Variants in DGKI observed in about 807,000 individuals in gnomAD.
DGKI encodes the protein diacylglycerol kinase iota, also known as DAG kinase iota.
A neutral mutation model predicts 147.5 loss-of-function variants in DGKI; 55 were observed. That is an observed-to-expected ratio of 0.37 (90% CI 0.30 to 0.47). The LOEUF (loss-of-function observed/expected upper bound fraction) is 0.47. Ranked by LOEUF, DGKI falls within the 20% of genes least tolerant of loss-of-function variation. The pLI is 1.00. For missense variants in DGKI, 1,007 were observed against 1,323.8 expected, an observed-to-expected ratio of 0.76 and a Z score of 3.71; for synonymous variants, 469 against 477.1, an observed-to-expected ratio of 0.98 and a Z score of 0.22.
At chr7:137,494,642 A>G (rs1428620647) in intron 21 of DGKI, among the ~76,000 whole-genome samples, 1 of 152,224 alleles carries the variant, frequency 6.6e-6, no homozygotes, top group African/African-American at 2.4e-5. Flanking sequence ...CATTACCACC[A>G]GACCCGCCTT....
At chr7:137,710,640 T>C (rs1386595946) in intron 1 of DGKI, among the ~76,000 whole-genome samples, 1 of 152,076 alleles carries the variant, frequency 6.6e-6, no homozygotes, top group Non-Finnish European at 1.5e-5. Flanking sequence ...AGATTAAAAA[T>C]GGAAATGTGA....
chr7:137,385,513 T>G lies in DGKI; in HGVS notation c.*5707A>C, dbSNP rs1190694527. 1 of 152,040 alleles carries G rather than the reference T, an allele frequency of 6.6e-6. No homozygotes were observed. The highest frequency in any genetic ancestry group is 1.9e-4 in the East Asian group (1 of 5,184). 9.4% of individuals were successfully genotyped at this position (152,040 alleles called of 1,614,324 possible). A position where few individuals can be genotyped will look rare whatever the true frequency, so the allele number is the denominator to read the frequency against. ...TTAAATGCTAACAGAGGCTGAAAGT[T>G]TATAACTGTGATATCCACTCCACTA... On this transcript the variant is annotated 3_prime_UTR_variant, in exon 33 of 33. Transcript: ENST00000614521.
intron 21 of DGKI, among the ~76,000 whole-genome samples, chr7:137,501,739 C>T (rs1217312795): frequency 6.6e-6 from 1 of 152,126 alleles, no homozygotes; most frequent in African/African-American, 2.4e-5. Context: ...GAGGTTAACA[C>T]ACATGCCAAC....
chr7:137,485,297 C>T (rs1815514106), intron 23 of DGKI, 77 bp downstream of exon 23: 1 of 1,126,894 alleles, frequency 8.9e-7, no homozygotes, highest in African/African-American at 1.6e-5. Flanking sequence ...AACTCTAAAT[C>T]AAAATAAGAC....
intron 8 of DGKI, among the ~76,000 whole-genome samples, chr7:137,615,656 T>C (rs1051732654): frequency 6.6e-6 from 1 of 151,830 alleles, no homozygotes; most frequent in African/African-American, 2.4e-5. Flanking sequence ...ATGTCTTAAA[T>C]GAATTCTCTA....
At chr7:137,592,648 C>A (rs555519018) in intron 12 of DGKI, among the ~76,000 whole-genome samples, 1 of 152,092 alleles carries the variant, frequency 6.6e-6, no homozygotes, top group African/African-American at 2.4e-5. Context: ...GGCCAAAAAG[C>A]GAAGGACACT....
At chr7:137,635,279 G>A (rs1821270488) in intron 6 of DGKI, among the ~76,000 whole-genome samples, 1 of 152,132 alleles carries the variant, frequency 6.6e-6, no homozygotes, top group African/African-American at 2.4e-5. Flanking sequence ...TGCCACTGCT[G>A]AATTTCTAAC....
chr7:137,785,255 G>A (rs1796633554), intron 1 of DGKI, among the ~76,000 whole-genome samples: 1 of 151,936 alleles, frequency 6.6e-6, no homozygotes, highest in South Asian at 2.1e-4. Context: ...AAAGAAGAAA[G>A]AAGATCCAAA....
Position 137,678,655 on chromosome 7 carries a change from G to A in DGKI, c.511-3C>T. ...TGTTCTCCATTCACGGCATTCTCCT[G>A]CAAGGAAAAGACCCACCTGACATCA... On this transcript the variant is annotated splice_polypyrimidine_tract_variant and splice_region_variant and intron_variant, in intron 2 of 32. Coordinates refer to ENST00000614521, the MANE Select transcript of DGKI (RefSeq NM_001321708.2). 2 of 1,613,692 alleles carry A rather than the reference G, an allele frequency of 1.2e-6. No individual in the cohort carries two copies. Among genetic ancestry groups the A allele is most frequent in the Non-Finnish European group, 1.7e-6 (2 of 1,179,718 alleles).
At chr7:137,656,816 T>C (rs1822242292) in intron 3 of DGKI, among the ~76,000 whole-genome samples, 1 of 152,214 alleles carries the variant, frequency 6.6e-6, no homozygotes, top group Admixed American at 6.5e-5. Flanking sequence ...CTCCAATATT[T>C]TGAGCATATA....
At chr7:137,490,442 A>C (rs990599678) in intron 21 of DGKI, among the ~76,000 whole-genome samples, 11 of 152,236 alleles carry the variant, frequency 7.2e-5, no homozygotes. Context: ...GAGCATCTTT[A>C]GCCAGAAAAC....
rs192770664 is a variant in DGKI at position 137,532,598 on chromosome 7, A to G, written c.2148-10632T>C. The stretch of plus-strand genomic sequence containing the variant: ...GATGGCCCCATATTTCTGTTCATCA[A>G]TCTACAGTTGGTGGGAACTTCAGCT... On this transcript the variant is annotated intron_variant, in intron 20 of 32. Coordinates refer to ENST00000614521, the MANE Select transcript of DGKI (RefSeq NM_001321708.2). Among the ~76,000 whole-genome samples the G allele has an allele frequency of 2.0e-3, 304 of 152,296 alleles. 3 individuals are homozygous for G. The highest frequency in any genetic ancestry group is 7.1e-3 in the African/African-American group (294 of 41,574).
intron 1 of DGKI, among the ~76,000 whole-genome samples, chr7:137,729,289 C>T (rs780250033): frequency 3.1e-4 from 47 of 152,164 alleles, no homozygotes; most frequent in South Asian, 6.2e-4. Flanking sequence ...TTCTTTGCAC[C>T]ATGTGCAACT....
chr7:137,419,383 A>T (rs1036376196), intron 28 of DGKI, among the ~76,000 whole-genome samples: 19 of 152,152 alleles, frequency 1.2e-4, no homozygotes, highest in African/African-American at 4.6e-4. Flanking sequence ...CTACCAGATA[A>T]CTTATACCAT....
rs542543193 is a variant in DGKI at position 137,614,568 on chromosome 7, G to T, written c.994-4959C>A. Among the ~76,000 whole-genome samples the T allele has an allele frequency of 1.7e-3, 254 of 152,114 alleles. 9 individuals are homozygous for T. In the South Asian group the frequency reaches 0.052, roughly 31 times the overall value. ...AGATCCAGGCTTGATTCTTAAATTT[G>T]GGGTTTTCATTTGAGTTATTTAAAA... On this transcript the variant is annotated intron_variant, in intron 8 of 32. Transcript: ENST00000614521.
At chr7:137,660,600 C>A (rs1026630337) in intron 3 of DGKI, among the ~76,000 whole-genome samples, 9 of 152,162 alleles carry the variant, frequency 5.9e-5, no homozygotes, top group Admixed American at 2.0e-4. Context: ...AGAGAGTATA[C>A]AATTGTCCCT....
intron 12 of DGKI, among the ~76,000 whole-genome samples, chr7:137,592,596 C>T (rs1253520137): frequency 1.3e-5 from 2 of 152,118 alleles, no homozygotes; most frequent in Non-Finnish European, 2.9e-5. Context: ...TATTTTCTTC[C>T]AAGAGAACAG....
At chr7:137,450,087 CAGA>C (rs146974337) in intron 27 of DGKI, among the ~76,000 whole-genome samples, 4,723 of 152,160 alleles carry the variant, frequency 0.031, 282 homozygotes, top group African/African-American at 0.11. Flanking sequence ...GTTGATTTCA[CAGA>C]AGTAGAGAGT....
At chr7:137,529,939 G>A (rs1322636997) in intron 20 of DGKI, among the ~76,000 whole-genome samples, 1 of 152,108 alleles carries the variant, frequency 6.6e-6, no homozygotes, top group Non-Finnish European at 1.5e-5. Flanking sequence ...ACTAGAGATG[G>A]GGTTTCACCA....
Sources: allele counts gnomAD v4.1 joint callset (sites outside exome capture counted in the v4.1 genomes callset), GRCh38; gene constraint gnomAD v4.1.1; transcripts MANE v1.5; gene names NCBI Gene and HGNC (gene_info 2026-07-23, HGNC 2026-07-21).